Variants in SFXN4 observed in about 807,000 individuals in gnomAD.
The protein encoded by SFXN4 is sideroflexin-4.
A neutral mutation model predicts 54.6 loss-of-function variants in SFXN4; 48 were observed. The observed-to-expected ratio is 0.88, with a 90% CI of 0.70 to 1.12. The LOEUF (loss-of-function observed/expected upper bound fraction) is 1.12. Among genes scored for constraint, SFXN4 ranks in the 50% most tolerant of loss-of-function variants. The pLI, the probability that SFXN4 is intolerant of heterozygous loss-of-function variation, is 0.00. For synonymous variants in SFXN4, 130 were observed against 145.5 expected (o/e 0.89, Z 0.77); for missense variants, 383 against 409.2 (o/e 0.94, Z 0.55).
intron 11 of SFXN4, among the ~76,000 whole-genome samples, chr10:119,151,422 G>A (rs1243783922): frequency 8.0e-6 from 1 of 125,078 alleles, no homozygotes; most frequent in Non-Finnish European, 1.7e-5. Flanking sequence ...AGGGCTGGGG[G>A]TGGGGGTGGG....
At position 119,149,418 on chromosome 10, in the gene SFXN4, C is replaced by T. The variant is rs183079884; in HGVS notation, c.733-1558G>A. ...CTCTGCAGGGAATGCCTTTCCCCCC[C>T]ACAAAAGAGAGGAAGCCGAGGAGGG... On this transcript the variant is annotated intron_variant, in intron 11 of 13. Coordinates refer to ENST00000355697, the MANE Select transcript of SFXN4 (RefSeq NM_213649.2). 4.9e-4 allele frequency among the ~76,000 whole-genome samples: 74 copies of T among 152,222 alleles called. 1 individual carries two copies. Among genetic ancestry groups the T allele is most frequent in the African/African-American group, 1.7e-3 (69 of 41,546 alleles).
In SFXN4 at chr10:119,141,339, A is replaced by G; in HGVS notation, c.937-20T>C. On this transcript the variant is annotated intron_variant, in intron 13 of 13. Coordinates refer to ENST00000355697, the MANE Select transcript of SFXN4 (RefSeq NM_213649.2). ...CTGTATCTGAAAAATAGTTAAATTC[A>G]TAATGTTTCTATTAATAGTTTTTCT... 1 of 1,456,920 alleles carries G rather than the reference A, an allele frequency of 6.9e-7. No homozygotes were observed. Among genetic ancestry groups the G allele is most frequent in the Non-Finnish European group, 9.5e-7 (1 of 1,054,210 alleles). The allele number at this position is 1,456,920 out of a possible 1,614,324, so 90.2% of individuals were successfully genotyped here.
At chr10:119,154,958 A>G in intron 11 of SFXN4, 104 bp downstream of exon 11, 1 of 748,442 alleles carries the variant, frequency 1.3e-6, no homozygotes, top group Non-Finnish European at 2.3e-6. Context: ...AAAGACGGGT[A>G]AAGAAAGGTT....
chr10:119,148,472 T>C (rs10886405), intron 11 of SFXN4, among the ~76,000 whole-genome samples: 42,318 of 151,912 alleles, frequency 0.28, 6,097 homozygotes, highest in East Asian at 0.49. Context: ...GTGGAAATGC[T>C]GGATTTGCCA....
chr10:119,161,567 GAACAA>G (rs779318638), intron 3 of SFXN4, among the ~76,000 whole-genome samples: 4 of 151,800 alleles, frequency 2.6e-5, no homozygotes, highest in Non-Finnish European at 4.4e-5. Context: ...CACATTGACA[GAACAA>G]ATCAAAATAA....
At position 119,157,895 on chromosome 10, in the gene SFXN4, G is replaced by A. The variant is rs2133611230; in HGVS notation, c.447C>T (p.Asn149=). 2 of 1,614,240 alleles carry A rather than the reference G, an allele frequency of 1.2e-6. No homozygotes were observed. The highest frequency in any genetic ancestry group is 1.1e-5 in the South Asian group (1 of 91,090). ...VFLCAYMAAF[N]SINGNRSYTC... ...CGTAACTTCTGTTTCCATTGATGCT[G>A]TTGAACGCTGCCATGTAGGCACAGA... is the stretch of plus-strand genomic sequence containing the variant. The change falls in exon 8 of 14, where the codon AAC becomes AAT. Residue 149 remains asparagine (N), a synonymous_variant. Coordinates refer to ENST00000355697, the MANE Select transcript of SFXN4 (RefSeq NM_213649.2).
At chr10:119,160,993 T>C (rs1429048437) in intron 4 of SFXN4, 24 bp from the exon 5 acceptor site, 2 of 1,614,184 alleles carry the variant, frequency 1.2e-6, no homozygotes, top group Admixed American at 3.3e-5. Context: ...GATGCAAGGT[T>C]AGCTGGATGT....
At position 119,146,454 on chromosome 10, in the gene SFXN4, T is replaced by C; in HGVS notation, c.819-101A>G. ...GTGTGTGTGTGTGTGTGTGTGTGTG[T>C]GTGTGTGCACGTGTGTGTGTACCTG... On this transcript the variant is annotated intron_variant, in intron 12 of 13. Coordinates refer to ENST00000355697, the MANE Select transcript of SFXN4 (RefSeq NM_213649.2). 16 of 561,076 alleles carry C rather than the reference T, an allele frequency of 2.9e-5. No homozygotes were observed. In the East Asian group the frequency reaches 3.7e-4, roughly 13 times the overall value. 34.8% of individuals were successfully genotyped at this position (561,076 alleles called of 1,614,324 possible).
chr10:119,158,140 G>T, intron 6 of SFXN4, 78 bp from the exon 7 acceptor site: 1 of 1,369,066 alleles, frequency 7.3e-7, no homozygotes, highest in Non-Finnish European at 1.0e-6. Context: ...ACTTTCCAGG[G>T]GAGAGGGAGA....
chr10:119,147,703 G>C (rs1846876934), intron 12 of SFXN4, 72 bp downstream of exon 12: 1 of 1,306,390 alleles, frequency 7.7e-7, no homozygotes, highest in East Asian at 2.3e-5. Context: ...CTCCACCAGG[G>C]TCAGTATCTG....
At chr10:119,151,271 A>G (rs1355449787) in intron 11 of SFXN4, among the ~76,000 whole-genome samples, 1 of 152,004 alleles carries the variant, frequency 6.6e-6, no homozygotes, top group African/African-American at 2.4e-5. Flanking sequence ...TGGGAGGCTG[A>G]GGCAGGAGAA....
At chr10:119,142,881 G>T (rs549302996) in intron 13 of SFXN4, among the ~76,000 whole-genome samples, 43 of 152,038 alleles carry the variant, frequency 2.8e-4, no homozygotes, top group Non-Finnish European at 5.3e-4. Flanking sequence ...ACAGGCGCCT[G>T]CCACCATGCC....
In SFXN4 at chr10:119,145,049, C is replaced by A. The variant is rs997436045; in HGVS notation, c.936+1187G>T. On this transcript the variant is annotated intron_variant, in intron 13 of 13. Transcript: ENST00000355697. ...TGAAATATTGTTAAGAAAAACAGAA[C>A]CCAAAACTGCACCAAGAGATTTGAG... Among the ~76,000 whole-genome samples, 5 of 152,076 alleles carry A rather than the reference C, an allele frequency of 3.3e-5. No homozygotes were observed. In the South Asian group the frequency reaches 1.0e-3, roughly 32 times the overall value.
intron 1 of SFXN4, chr10:119,165,336 C>T (rs1589654237): frequency 1.5e-6 from 2 of 1,297,714 alleles, no homozygotes; most frequent in East Asian, 6.8e-5. Flanking sequence ...GGGCATCTGG[C>T]AGCTTCGATT....
intron 6 of SFXN4, among the ~76,000 whole-genome samples, chr10:119,159,149 G>C (rs1847407724): frequency 6.6e-6 from 1 of 151,412 alleles, no homozygotes; most frequent in African/African-American, 2.4e-5. Flanking sequence ...GTATGGTGGT[G>C]AGCGCCTGTA....
chr10:119,160,388 A>C (rs949615015), intron 5 of SFXN4, among the ~76,000 whole-genome samples: 1 of 148,916 alleles, frequency 6.7e-6, no homozygotes, highest in Non-Finnish European at 1.5e-5. Context: ...GGTGGCAGGC[A>C]CCTGTAATCC....
At chr10:119,163,847 C>G (rs1238046608) in intron 2 of SFXN4, among the ~76,000 whole-genome samples, 12 of 151,746 alleles carry the variant, frequency 7.9e-5, no homozygotes, top group African/African-American at 2.7e-4. Flanking sequence ...CAAGACCAGC[C>G]TGACCAACAT....
At chr10:119,151,997 T>C (rs1847088523) in intron 11 of SFXN4, among the ~76,000 whole-genome samples, 1 of 151,956 alleles carries the variant, frequency 6.6e-6, no homozygotes, top group Non-Finnish European at 1.5e-5. Flanking sequence ...TAAAAATTTT[T>C]TTGTAGAGAT....
intron 8 of SFXN4, 58 bp downstream of exon 8, chr10:119,157,813 A>T (rs777228245): frequency 1.2e-6 from 2 of 1,607,488 alleles, no homozygotes; most frequent in South Asian, 2.2e-5. Flanking sequence ...AACACATACA[A>T]CAAACTCCAA....
Sources: allele counts gnomAD v4.1 joint callset (sites outside exome capture counted in the v4.1 genomes callset), GRCh38; gene constraint gnomAD v4.1.1; transcripts MANE v1.5; gene names NCBI Gene and HGNC (gene_info 2026-07-23, HGNC 2026-07-21).